ASCC3: variants seen among roughly 807,000 people sequenced by gnomAD.
ASCC3 encodes the protein activating signal cointegrator 1 complex subunit 3.
ASCC3 carries 158 observed loss-of-function variants against 256.3 expected under a neutral mutation model. The ratio of observed to expected loss-of-function variants is 0.62; its 90% CI spans 0.54 to 0.70. The LOEUF (loss-of-function observed/expected upper bound fraction) is 0.70. Ranked by LOEUF, ASCC3 falls within the 30% of genes least tolerant of loss-of-function variation. ASCC3 has a pLI of 0.00. For synonymous variants in ASCC3, 948 were observed against 883.4 expected (o/e 1.07, Z -1.30); for missense variants, 2,259 against 2,626.0 (o/e 0.86, Z 3.05).
chr6:100,590,256 C>T (rs1771934303), intron 34 of ASCC3, among the ~76,000 whole-genome samples, 197 bp from the exon 35 acceptor site: 1 of 151,936 alleles, frequency 6.6e-6, no homozygotes, highest in African/African-American at 2.4e-5. Context: ...AATTATTGTT[C>T]CCCTAGTGCT....
chr6:100,864,447 T>G (rs1361922819), intron 2 of ASCC3, among the ~76,000 whole-genome samples: 2 of 152,194 alleles, frequency 1.3e-5, no homozygotes, highest in Non-Finnish European at 2.9e-5. Context: ...TTTTACAGTT[T>G]TAATTACACT....
intron 4 of ASCC3, among the ~76,000 whole-genome samples, chr6:100,811,934 C>G (rs966543385): frequency 6.6e-6 from 1 of 152,078 alleles, no homozygotes; most frequent in South Asian, 2.1e-4. Flanking sequence ...TATGTCCCCA[C>G]AAAATGTTGC....
At chr6:100,744,931 A>G (rs750536249) in intron 10 of ASCC3, among the ~76,000 whole-genome samples, 1 of 152,220 alleles carries the variant, frequency 6.6e-6, no homozygotes, top group Non-Finnish European at 1.5e-5. Context: ...GCTAAAGCCA[A>G]GAGACTGTAA....
At chr6:100,860,798 T>A (rs181920745) in intron 3 of ASCC3, among the ~76,000 whole-genome samples, 28 of 152,208 alleles carry the variant, frequency 1.8e-4, no homozygotes, top group African/African-American at 6.5e-4. Flanking sequence ...CAGTACGCAC[T>A]ATTCAGGAAA....
rs538356867 is a variant in ASCC3, at chr6:100,826,283, C to G, written c.802-20403G>C. ...AGTAGCTGGGACTACAGGTGCCCACCACCACGCCCGGCTAATTTTTTGTAT... is the reference window on the plus strand; with the variant it reads ...AGTAGCTGGGACTACAGGTGCCCACGACCACGCCCGGCTAATTTTTTGTAT... On this transcript the variant is annotated intron_variant, in intron 4 of 41. Transcript: ENST00000369162. 4.6e-5 allele frequency among the ~76,000 whole-genome samples: 7 copies of G among 152,174 alleles called. No homozygotes were observed. The East Asian group carries it at 1.4e-3, about 30-fold the overall frequency.
intron 36 of ASCC3, among the ~76,000 whole-genome samples, chr6:100,562,515 A>G (rs1242783151): frequency 6.6e-6 from 1 of 152,124 alleles, no homozygotes; most frequent in Non-Finnish European, 1.5e-5. Context: ...TTTGACAAAC[A>G]TAAATATCTA....
intron 12 of ASCC3, among the ~76,000 whole-genome samples, chr6:100,716,439 G>A (rs1453246811): frequency 6.6e-6 from 1 of 151,816 alleles, no homozygotes; most frequent in East Asian, 1.9e-4. Flanking sequence ...TAAGAGTTTA[G>A]AAGAGGATGA....
intron 4 of ASCC3, among the ~76,000 whole-genome samples, chr6:100,821,857 A>G (rs942493428): frequency 3.9e-5 from 6 of 152,094 alleles, no homozygotes; most frequent in African/African-American, 1.4e-4. Flanking sequence ...AAAATGAAGT[A>G]ATAAACAACA....
At chr6:100,868,520 C>G (rs1198424126) in intron 1 of ASCC3, among the ~76,000 whole-genome samples, 1 of 152,224 alleles carries the variant, frequency 6.6e-6, no homozygotes, top group Admixed American at 6.5e-5. Flanking sequence ...ACCACCCCAT[C>G]TAAAACAGGC....
rs925790777 is a variant in ASCC3 at position 100,652,642 on chromosome 6, T to G, written c.2988+83A>C. On this transcript the variant is annotated intron_variant, in intron 18 of 41. Transcript: ENST00000369162. ...ATGGATTTTGTTCTATTATTTGCTT[T>G]CATTATTTTACATTAATAATATATT... 3 of 1,364,114 alleles carry G rather than the reference T, an allele frequency of 2.2e-6. No homozygotes were observed. In the African/African-American group the frequency reaches 4.4e-5, roughly 20 times the overall value. The allele number at this position is 1,364,114 out of a possible 1,614,324, so 84.5% of individuals were successfully genotyped here.
intron 37 of ASCC3, among the ~76,000 whole-genome samples, chr6:100,537,703 G>A (rs973934910): frequency 1.1e-4 from 16 of 151,848 alleles, no homozygotes; most frequent in Non-Finnish European, 7.4e-5. Context: ...TCATACTCAT[G>A]TGGGTGAAGG....
intron 13 of ASCC3, among the ~76,000 whole-genome samples, chr6:100,712,170 GATAAC>G (rs1243432116): frequency 3.9e-5 from 6 of 152,068 alleles, no homozygotes; most frequent in Non-Finnish European, 8.8e-5. Flanking sequence ...AGTCTTAGAA[GATAAC>G]ATAACAGAAA....
At chr6:100,571,494 C>T (rs565281680) in intron 36 of ASCC3, among the ~76,000 whole-genome samples, 1 of 152,242 alleles carries the variant, frequency 6.6e-6, no homozygotes, top group African/African-American at 2.4e-5. Flanking sequence ...GAACCACTAG[C>T]CCGGTTTTCT....
chr6:100,649,632 T>C (rs1775557796), intron 20 of ASCC3, among the ~76,000 whole-genome samples: 1 of 151,636 alleles, frequency 6.6e-6, no homozygotes, highest in South Asian at 2.1e-4. Context: ...CTCATGGCTA[T>C]TAATAATGAT....
At chr6:100,820,802 C>T (rs910741831) in intron 4 of ASCC3, among the ~76,000 whole-genome samples, 3 of 151,582 alleles carry the variant, frequency 2.0e-5, no homozygotes, top group Admixed American at 6.6e-5. Context: ...AAAAGAAAAC[C>T]CAATATAAAA....
At chr6:100,608,146 C>CATATATATGTATATATATA (rs1311691741) in intron 30 of ASCC3, among the ~76,000 whole-genome samples, 5 of 41,088 alleles carry the variant, frequency 1.2e-4, no homozygotes, top group African/African-American at 3.4e-4. Context: ...GTATATATAT[C>CATATATATGTATATATATA]TATATATACA....
chr6:100,877,912 G>A (rs1418475034), intron 1 of ASCC3, among the ~76,000 whole-genome samples: 2 of 152,072 alleles, frequency 1.3e-5, no homozygotes, highest in African/African-American at 2.4e-5. Context: ...CATACAAGGT[G>A]GTGACCAAAC....
At chr6:100,828,288 T>C (rs1450707924) in intron 4 of ASCC3, among the ~76,000 whole-genome samples, 1 of 152,208 alleles carries the variant, frequency 6.6e-6, no homozygotes, top group African/African-American at 2.4e-5. Context: ...AGGTATCTAT[T>C]ACAGTAGTTC....
chr6:100,755,018 A>G (rs762428335), intron 10 of ASCC3, among the ~76,000 whole-genome samples: 1 of 151,956 alleles, frequency 6.6e-6, no homozygotes, highest in South Asian at 2.1e-4. Context: ...TTTCTTTATA[A>G]ATTACCCAGT....
Sources: gnomAD v4.1 joint callset for allele counts (sites outside exome capture counted in the v4.1 genomes callset) on GRCh38, gnomAD v4.1.1 for gene constraint, MANE v1.5 for transcripts, NCBI Gene and HGNC (gene_info 2026-07-23, HGNC 2026-07-21) for gene names.